Variants in KLHL29 observed in about 807,000 individuals in gnomAD.
The protein encoded by KLHL29 is kelch-like protein 29.
A neutral mutation model predicts 80.4 loss-of-function variants in KLHL29; 21 were observed. That is an observed-to-expected ratio of 0.26 (90% CI 0.19 to 0.38). The LOEUF (loss-of-function observed/expected upper bound fraction) is 0.38, where lower values mean the gene tolerates loss of function less well. KLHL29 is among the 10% of genes least tolerant of loss of function. The pLI, the probability that KLHL29 is intolerant of heterozygous loss-of-function variation, is 1.00. For synonymous variants in KLHL29, 511 were observed against 526.8 expected (o/e 0.97, Z 0.41); for missense variants, 867 against 1,223.9 (o/e 0.71, Z 4.35).
chr2:23,511,746 G>A (rs746908099), intron 2 of KLHL29, among the ~76,000 whole-genome samples: 4 of 152,120 alleles, frequency 2.6e-5, no homozygotes, highest in Non-Finnish European at 5.9e-5. Context: ...ACAAAGGTTT[G>A]TTTGCTGGCT....
At chr2:23,442,510 C>T (rs975017470) in intron 1 of KLHL29, among the ~76,000 whole-genome samples, 3 of 152,060 alleles carry the variant, frequency 2.0e-5, no homozygotes, top group Admixed American at 2.0e-4. Flanking sequence ...GAGGAAGGGG[C>T]CACAAGCAAA....
rs1305295000 is a variant in KLHL29, at chr2:23,457,081, C to T, written c.-153-18479C>T. On this transcript the variant is annotated intron_variant, in intron 1 of 13. Transcript: ENST00000486442. The surrounding 1 kb of genome is among the most constrained non-coding windows in gnomAD (Gnocchi z 4.3). ...GCCCCTCCCCAGGCATCTGCTGAGACCCTCCCTTGTGCCAGGCCCTGTGCC... is the reference window on the plus strand; with the variant it reads ...GCCCCTCCCCAGGCATCTGCTGAGATCCTCCCTTGTGCCAGGCCCTGTGCC... Among the ~76,000 whole-genome samples, 2 of 152,238 alleles carry T rather than the reference C, an allele frequency of 1.3e-5. No individual in the cohort carries two copies. The highest frequency in any genetic ancestry group is 3.2e-3 in the Middle Eastern group (1 of 316).
intron 5 of KLHL29, among the ~76,000 whole-genome samples, chr2:23,656,345 C>T (rs140857975): frequency 1.9e-4 from 29 of 152,280 alleles, no homozygotes; most frequent in Non-Finnish European, 2.9e-4. Flanking sequence ...GCAGAGACCC[C>T]AGAGCAGAGA....
intron 6 of KLHL29, among the ~76,000 whole-genome samples, chr2:23,688,511 G>T (rs1428938202): frequency 1.3e-5 from 2 of 152,182 alleles, no homozygotes; most frequent in African/African-American, 4.8e-5. Context: ...GTGGCTAATG[G>T]TGGGATTGCA....
Position 23,562,662 on chromosome 2 carries a change from A to C in KLHL29, c.285+181A>C, listed in dbSNP as rs944076606. On this transcript the variant is annotated intron_variant, in intron 3 of 13. Transcript: ENST00000486442. This position sits in a 1 kb window ranked among gnomAD's most constrained non-coding sequence, Gnocchi z 4.5. ...GTTTGCGAGCATTCATGCGGGTTTTATTATCCATGAAGTCTTTCTCTGTGA... is the reference window on the plus strand; with the variant it reads ...GTTTGCGAGCATTCATGCGGGTTTTCTTATCCATGAAGTCTTTCTCTGTGA... Among the ~76,000 whole-genome samples the C allele has an allele frequency of 1.3e-5, 2 of 152,154 alleles. No individual in the cohort carries two copies. The highest frequency in any genetic ancestry group is 4.1e-4 in the South Asian group (2 of 4,824).
chr2:23,563,661 C>T (rs1485799841), intron 3 of KLHL29, among the ~76,000 whole-genome samples: 2 of 152,204 alleles, frequency 1.3e-5, no homozygotes, highest in Non-Finnish European at 2.9e-5. Context: ...GCCTTTGTCT[C>T]CTGGTTTTCA....
At chr2:23,666,900 C>T (rs1021701401) in intron 5 of KLHL29, among the ~76,000 whole-genome samples, 18 of 152,242 alleles carry the variant, frequency 1.2e-4, no homozygotes, top group Non-Finnish European at 2.6e-4. Flanking sequence ...TGTGCCCAGC[C>T]CTGGTGGCCT....
chr2:23,450,288 G>A (rs909768239), intron 1 of KLHL29, among the ~76,000 whole-genome samples: 7 of 152,180 alleles, frequency 4.6e-5, no homozygotes, highest in South Asian at 2.1e-4. Flanking sequence ...CCGCCAGGCC[G>A]AGATGGTTCA....
At chr2:23,484,290 C>T (rs1664873186) in intron 2 of KLHL29, among the ~76,000 whole-genome samples, 1 of 152,326 alleles carries the variant, frequency 6.6e-6, no homozygotes, top group African/African-American at 2.4e-5. Context: ...TTCAGCCTCA[C>T]ACACAGAGCC....
chr2:23,444,652 G>A (rs79335098), intron 1 of KLHL29, among the ~76,000 whole-genome samples: 4 of 152,048 alleles, frequency 2.6e-5, no homozygotes, highest in East Asian at 1.9e-4. Flanking sequence ...ATTCCTGTGC[G>A]TTAACATGTT....
At chr2:23,578,185 G>T (rs1438700840) in intron 3 of KLHL29, among the ~76,000 whole-genome samples, 1 of 152,184 alleles carries the variant, frequency 6.6e-6, no homozygotes, top group Non-Finnish European at 1.5e-5. Flanking sequence ...TCTGCATGCA[G>T]GTGAAACCGT....
At chr2:23,471,657 T>C (rs1203530752) in intron 1 of KLHL29, among the ~76,000 whole-genome samples, 3 of 152,194 alleles carry the variant, frequency 2.0e-5, no homozygotes, top group African/African-American at 7.2e-5. Flanking sequence ...CCTCTGTCCT[T>C]TAGCTTTTAC....
chr2:23,551,392 A>G (rs1408796697), intron 2 of KLHL29, among the ~76,000 whole-genome samples: 2 of 152,176 alleles, frequency 1.3e-5, no homozygotes, highest in Admixed American at 6.5e-5. Flanking sequence ...ATTTTCTCAA[A>G]GCAAAGGTGC....
chr2:23,570,610 C>T (rs1426954531), intron 3 of KLHL29, among the ~76,000 whole-genome samples: 1 of 152,164 alleles, frequency 6.6e-6, no homozygotes, highest in Non-Finnish European at 1.5e-5. Flanking sequence ...CTTGCCCGGC[C>T]CAGTTGGAGC....
chr2:23,458,805 G>A (rs187929009), intron 1 of KLHL29, among the ~76,000 whole-genome samples: 1 of 152,230 alleles, frequency 6.6e-6, no homozygotes, highest in African/African-American at 2.4e-5. Flanking sequence ...GGGGACAGGG[G>A]TGAGATGAGG....
intron 1 of KLHL29, among the ~76,000 whole-genome samples, chr2:23,415,060 TG>T: frequency 1.3e-5 from 2 of 152,362 alleles, no homozygotes; most frequent in East Asian, 3.9e-4. Flanking sequence ...GCTGCCCTGC[TG>T]GTCAGACCTC....
chr2:23,478,061 TG>T (rs1186739027), intron 2 of KLHL29, among the ~76,000 whole-genome samples: 2 of 152,162 alleles, frequency 1.3e-5, no homozygotes, highest in Non-Finnish European at 2.9e-5. Context: ...GCACCCTATG[TG>T]GGCCTCTATC....
At chr2:23,497,125 G>C (rs1665290878) in intron 2 of KLHL29, among the ~76,000 whole-genome samples, 1 of 152,166 alleles carries the variant, frequency 6.6e-6, no homozygotes, top group South Asian at 2.1e-4. Context: ...ACCTTTACCA[G>C]GCAGTGCTGT....
In KLHL29 at chr2:23,403,750, T is replaced by C. The variant is rs565683730; in HGVS notation, c.-154+17970T>C. 2.4e-4 allele frequency among the ~76,000 whole-genome samples: 36 copies of C among 151,664 alleles called. No individual in the cohort carries two copies. In the East Asian group the frequency reaches 3.5e-3, roughly 15 times the overall value. On this transcript the variant is annotated intron_variant, in intron 1 of 13. Transcript: ENST00000486442. ...GAGTGTGTGTGTGTGTGTGTGTGTG[T>C]GTGTGTGTGTGTGTGCAGGCGCAAA... is the stretch of plus-strand genomic sequence containing the variant.
Sources: allele counts gnomAD v4.1 joint callset (sites outside exome capture counted in the v4.1 genomes callset), GRCh38; gene constraint gnomAD v4.1.1; non-coding constraint Gnocchi (gnomAD v3.1); transcripts MANE v1.5; gene names NCBI Gene and HGNC (gene_info 2026-07-23, HGNC 2026-07-21).